TBC1D22A: variants seen among roughly 807,000 people sequenced by gnomAD.
The protein encoded by TBC1D22A is putative GTPase activator.
A neutral mutation model predicts 60.2 loss-of-function variants in TBC1D22A; 38 were observed. That is an observed-to-expected ratio of 0.63 (90% CI 0.49 to 0.83). The LOEUF (loss-of-function observed/expected upper bound fraction) is 0.83, where lower values mean the gene tolerates loss of function less well. Among genes scored for constraint, TBC1D22A ranks in the 40% least tolerant of loss-of-function variants. The pLI, the probability that TBC1D22A is intolerant of heterozygous loss-of-function variation, is 0.00. For synonymous variants in TBC1D22A, 302 were observed against 281.7 expected, an observed-to-expected ratio of 1.07 and a Z score of -0.72; for missense variants, 628 against 701.0, an observed-to-expected ratio of 0.90 and a Z score of 1.18.
At chr22:46,815,653 T>C (rs556272791) in intron 4 of TBC1D22A, among the ~76,000 whole-genome samples, 1 of 152,358 alleles carries the variant, frequency 6.6e-6, no homozygotes, top group East Asian at 1.9e-4. Flanking sequence ...AAAATGTTTC[T>C]TAAGCATCTG....
At chr22:46,913,269 G>T (rs562502915) in intron 8 of TBC1D22A, 7 of 1,242,944 alleles carry the variant, frequency 5.6e-6, no homozygotes, top group Non-Finnish European at 1.1e-6. Context: ...TTTAAACCTG[G>T]TTTTGTCTTC....
At chr22:47,156,317 G>A (rs926717940) in intron 12 of TBC1D22A, among the ~76,000 whole-genome samples, 1 of 152,204 alleles carries the variant, frequency 6.6e-6, no homozygotes, top group Non-Finnish European at 1.5e-5. Flanking sequence ...CATTTAGTGG[G>A]GACAGCCCCT....
rs2075171704 is a variant in TBC1D22A at position 46,997,800 on chromosome 22, G to A, written c.1201+91G>A. ...GACAGGGAGCTGTCCTCATCCGCCG[G>A]CAGCATCCTGGCCTGCTCAGGATCC... On this transcript the variant is annotated intron_variant, in intron 10 of 12. Transcript: ENST00000337137. 9.1e-6 allele frequency: 11 copies of A among 1,202,398 alleles called. No individual in the cohort carries two copies. In the South Asian group the frequency reaches 1.2e-4, roughly 14 times the overall value. 74.5% of individuals were successfully genotyped at this position (1,202,398 alleles called of 1,614,324 possible).
At chr22:46,847,788 C>T (rs1169642648) in intron 4 of TBC1D22A, among the ~76,000 whole-genome samples, 1 of 152,146 alleles carries the variant, frequency 6.6e-6, no homozygotes, top group East Asian at 1.9e-4. Flanking sequence ...CCACTCATTC[C>T]AGGGAGGGAA....
At chr22:46,794,152 G>A (rs566137259) in intron 3 of TBC1D22A, among the ~76,000 whole-genome samples, 5 of 152,314 alleles carry the variant, frequency 3.3e-5, no homozygotes, top group African/African-American at 1.2e-4. Flanking sequence ...TGGGCTGGCC[G>A]TGAGAGGGCC....
intron 7 of TBC1D22A, among the ~76,000 whole-genome samples, chr22:46,899,446 CAAA>C (rs1282599306): frequency 4.6e-5 from 6 of 131,524 alleles, no homozygotes; most frequent in African/African-American, 1.7e-4. Context: ...TACTTCGTCT[CAAA>C]AAAAAAAAAA....
At chr22:47,081,071 A>T (rs550412008) in intron 11 of TBC1D22A, among the ~76,000 whole-genome samples, 1 of 150,568 alleles carries the variant, frequency 6.6e-6, no homozygotes, top group Admixed American at 6.7e-5. Flanking sequence ...GGTGAGCCGA[A>T]ATTGTGCCAT....
At chr22:47,034,789 A>G (rs976173646) in intron 10 of TBC1D22A, among the ~76,000 whole-genome samples, 1 of 152,246 alleles carries the variant, frequency 6.6e-6, no homozygotes, top group East Asian at 1.9e-4. Context: ...GTTTTATCCT[A>G]ACAACTGATG....
chr22:47,002,430 G>A (rs1002715191), intron 10 of TBC1D22A, among the ~76,000 whole-genome samples: 2 of 152,154 alleles, frequency 1.3e-5, no homozygotes, highest in African/African-American at 2.4e-5. Flanking sequence ...AGCCCCACCT[G>A]GTACTCAGTG....
chr22:46,798,050 A>G (rs935065694), intron 4 of TBC1D22A, among the ~76,000 whole-genome samples: 2 of 151,628 alleles, frequency 1.3e-5, no homozygotes, highest in Non-Finnish European at 2.9e-5. Flanking sequence ...TTTTTAAACA[A>G]TTTTTTCTAC....
chr22:47,173,409 G>A, intron 12 of TBC1D22A, 89 bp from the exon 13 acceptor site: 1 of 1,554,244 alleles, frequency 6.4e-7, no homozygotes, highest in East Asian at 2.3e-5. Context: ...TCTGACCTGG[G>A]CTTGTATCTT....
chr22:46,833,646 A>G (rs939459302), intron 4 of TBC1D22A, among the ~76,000 whole-genome samples: 4 of 152,268 alleles, frequency 2.6e-5, no homozygotes, highest in African/African-American at 9.6e-5. Context: ...AGTGATCAGG[A>G]ACATTTTTAA....
rs929592036 is a variant in TBC1D22A, at chr22:47,155,474, C to T, written c.1426-18024C>T. Among the ~76,000 whole-genome samples the T allele has an allele frequency of 5.3e-5, 8 of 152,200 alleles. No homozygotes were observed. In the East Asian group the frequency reaches 5.8e-4, roughly 11 times the overall value. ...AAATCGGCTATCAGAGCCTGCACTC[C>T]GGGCTCCCAGGATGGTCTGGGAGTG... On this transcript the variant is annotated intron_variant, in intron 12 of 12. Coordinates refer to ENST00000337137, the MANE Select transcript of TBC1D22A (RefSeq NM_014346.5).
chr22:46,836,096 G>C (rs1432316585), intron 4 of TBC1D22A, among the ~76,000 whole-genome samples: 1 of 152,102 alleles, frequency 6.6e-6, no homozygotes, highest in Non-Finnish European at 1.5e-5. Flanking sequence ...TGAAATGAAA[G>C]GATGTTAATT....
At chr22:47,017,774 A>G (rs2061956003) in intron 10 of TBC1D22A, among the ~76,000 whole-genome samples, 1 of 152,194 alleles carries the variant, frequency 6.6e-6, no homozygotes, top group Non-Finnish European at 1.5e-5. Context: ...GGGGCCTCTT[A>G]GTTCTTTGTA....
intron 11 of TBC1D22A, among the ~76,000 whole-genome samples, chr22:47,103,908 A>G (rs1416755401): frequency 6.6e-6 from 1 of 152,190 alleles, no homozygotes; most frequent in African/African-American, 2.4e-5. Flanking sequence ...TTGGGATAAC[A>G]TTATATGACA....
chr22:46,775,229 C>G (rs1303792163), intron 1 of TBC1D22A, among the ~76,000 whole-genome samples: 2 of 152,162 alleles, frequency 1.3e-5, no homozygotes, highest in Non-Finnish European at 2.9e-5. Context: ...CTTGGTGCAC[C>G]CGCTGCCCTT....
At position 46,906,829 on chromosome 22, in the gene TBC1D22A, T is replaced by C. The variant is rs2069514311; in HGVS notation, c.901-5245T>C. Among the ~76,000 whole-genome samples, 6 of 132,606 alleles carry C rather than the reference T, an allele frequency of 4.5e-5. No homozygotes were observed. The South Asian group carries it at 1.3e-3, about 28-fold the overall frequency. 87.0% of individuals were successfully genotyped at this position (132,606 alleles called of 152,430 possible). A position where few individuals can be genotyped will look rare whatever the true frequency, so the allele number is the denominator to read the frequency against. On this transcript the variant is annotated intron_variant, in intron 7 of 12. Coordinates refer to ENST00000337137, the MANE Select transcript of TBC1D22A (RefSeq NM_014346.5). Reference sequence around the variant, plus strand: ...TGTGTGTGTGCTCTAGGTGCATGTGTGTGTGTTCTTTTTTGTGTATGTGCA... The same window carrying C: ...TGTGTGTGTGCTCTAGGTGCATGTGCGTGTGTTCTTTTTTGTGTATGTGCA...
At chr22:47,171,226 C>T (rs2068435759) in intron 12 of TBC1D22A, among the ~76,000 whole-genome samples, 1 of 152,232 alleles carries the variant, frequency 6.6e-6, no homozygotes, top group African/African-American at 2.4e-5. Context: ...CCATTCCCCT[C>T]CATGCCAGTC....
Sources: gnomAD v4.1 joint callset for allele counts (sites outside exome capture counted in the v4.1 genomes callset) on GRCh38, gnomAD v4.1.1 for gene constraint, MANE v1.5 for transcripts, NCBI Gene and HGNC (gene_info 2026-07-23, HGNC 2026-07-21) for gene names.